Variants in ITPR3 observed in about 807,000 individuals in gnomAD.
The protein encoded by ITPR3 is inositol 1,4,5-trisphosphate receptor type 3, also known as inositol 1,4,5-trisphosphate-gated calcium channel ITPR3.
Under a neutral mutation model 293.2 loss-of-function variants are expected in ITPR3, and 173 were observed. That is an observed-to-expected ratio of 0.59 (90% confidence interval 0.52 to 0.67). The LOEUF (loss-of-function observed/expected upper bound fraction) is 0.67, where lower values mean the gene tolerates loss of function less well. Ranked by LOEUF, ITPR3 falls within the 30% of genes least tolerant of loss-of-function variation. The pLI is 0.00. For synonymous variants in ITPR3, 1,295 were observed against 1,444.4 expected (o/e 0.90, Z 2.35); for missense variants, 2,796 against 3,592.1 (o/e 0.78, Z 5.66).
chr6:33,662,884 TCCTGCC>T, intron 8 of ITPR3, 21 bp from the exon 9 acceptor site: 1 of 1,565,920 alleles, frequency 6.4e-7, no homozygotes, highest in Non-Finnish European at 8.7e-7. Context: ...AGTCTCTCCT[TCCTGCC>T]TCACACCTGT....
intron 2 of ITPR3, among the ~76,000 whole-genome samples, chr6:33,644,148 C>T (rs1013694977): frequency 5.3e-5 from 8 of 152,056 alleles, no homozygotes; most frequent in African/African-American, 1.7e-4. Context: ...TGAGATTGTG[C>T]CACTGCACTC....
intron 50 of ITPR3, 51 bp from the exon 51 acceptor site, chr6:33,689,983 T>G: frequency 6.2e-7 from 1 of 1,605,090 alleles, no homozygotes; most frequent in Non-Finnish European, 8.5e-7. Flanking sequence ...TGCGTGCAGA[T>G]TCAGCATAGG....
chr6:33,650,404 T>C (rs1426359087), intron 2 of ITPR3, among the ~76,000 whole-genome samples: 1 of 152,222 alleles, frequency 6.6e-6, no homozygotes, highest in Non-Finnish European at 1.5e-5. Flanking sequence ...GTTCCAGTTA[T>C]TAAGTTTCCA....
At chr6:33,669,195 C>T (rs1326694462) in intron 18 of ITPR3, 39 bp downstream of exon 18, 1 of 1,592,226 alleles carries the variant, frequency 6.3e-7, no homozygotes, top group South Asian at 1.1e-5. Flanking sequence ...CTTCCTGTGC[C>T]TTTGGGCCTT....
In ITPR3 at chr6:33,685,692, G is replaced by T; in HGVS notation, c.5532G>T (p.Leu1844=). 1 of 1,603,132 alleles carries T rather than the reference G, an allele frequency of 6.2e-7. No homozygotes were observed. The highest frequency in any genetic ancestry group is 8.5e-7 in the Non-Finnish European group (1 of 1,173,040). The change falls in exon 41 of 58, where the codon CTG becomes CTT. Residue 1844 remains leucine, a synonymous_variant. Coordinates refer to ENST00000605930, the MANE Select transcript of ITPR3 (RefSeq NM_002224.4). The stretch of plus-strand genomic sequence containing the variant: ...CTGGCTCCTCATCCCGCTACTCGCT[G>T]GGCCCCAGCCTGCGCCGGGGGCACG... The part of the protein sequence containing the change: ...SIPGSSSRYS[L]GPSLRRGHEV...
chr6:33,661,451 C>T (rs757416776), intron 7 of ITPR3, among the ~76,000 whole-genome samples: 1 of 152,230 alleles, frequency 6.6e-6, no homozygotes, highest in Non-Finnish European at 1.5e-5. Flanking sequence ...TTCTCTATGC[C>T]TGAGTTTCTC....
chr6:33,670,817 TGGCTGGGGGAGTGCCCAGG>T lies in ITPR3; in HGVS notation c.2586+12_2586+30del, dbSNP rs1488371148. 6.2e-7 allele frequency: 1 copy of T among 1,613,010 alleles called. No individual in the cohort carries two copies. The highest frequency in any genetic ancestry group is 2.2e-5 in the East Asian group (1 of 44,890). The stretch of plus-strand genomic sequence containing the variant: ...GAGAAGAACAAGCTCACTTTTGAGG[TGGCTGGGGGAGTGCCCAGG>T]GGCTGGGGGTCCGTGGAGCTCTTGT... On this transcript the variant is annotated splice_donor_5th_base_variant and intron_variant, in intron 20 of 57. Coordinates refer to ENST00000605930, the MANE Select transcript of ITPR3 (RefSeq NM_002224.4). This position sits in a 1 kb window ranked among gnomAD's most constrained non-coding sequence, Gnocchi z 6.7.
chr6:33,656,175 G>A (rs575460624), intron 3 of ITPR3, among the ~76,000 whole-genome samples: 3 of 152,260 alleles, frequency 2.0e-5, no homozygotes, highest in South Asian at 2.1e-4. Flanking sequence ...ATTCCAATAC[G>A]CAAGAGATTG....
In ITPR3 at chr6:33,658,097, G is replaced by A; in HGVS notation, c.369+79G>A. ...GGCTGGTGCTGGGTGAGGGCTGCCA[G>A]CAGGCATTGCCCTCTGTGCATGTGT... On this transcript the variant is annotated intron_variant, in intron 4 of 57. Transcript: ENST00000605930. The surrounding 1 kb of genome is among the most constrained non-coding windows in gnomAD (Gnocchi z 6.1). The A allele has an allele frequency of 8.1e-7, 1 of 1,235,724 alleles. No homozygotes were observed. The highest frequency in any genetic ancestry group is 2.5e-5 in the East Asian group (1 of 40,356). The allele number at this position is 1,235,724 out of a possible 1,614,324, so 76.5% of individuals were successfully genotyped here.
chr6:33,645,290 C>T (rs1490144622), intron 2 of ITPR3, among the ~76,000 whole-genome samples: 1 of 152,002 alleles, frequency 6.6e-6, no homozygotes, highest in East Asian at 1.9e-4. Context: ...GCCAAGATCA[C>T]GCCACTGCAC....
In ITPR3 at chr6:33,688,240, T is replaced by C; in HGVS notation, c.6377T>C (p.Ile2126Thr). The stretch of plus-strand genomic sequence containing the variant: ...TGACCATGTGCTGTGTGTGCTCAGA[T>C]TGTGCGGCAGGACCGCAGCATGGAG... The part of the protein sequence containing the change: ...YYENHTSQIE[I>T]VRQDRSMEQI... The change falls in exon 48 of 58, where the codon ATT (isoleucine) becomes ACT (threonine). Residue 2126 changes from isoleucine (I) to threonine (T), a missense_variant and splice_region_variant. Transcript: ENST00000605930. 1.9e-6 allele frequency: 3 copies of C among 1,614,172 alleles called. No individual in the cohort carries two copies. Among genetic ancestry groups the C allele is most frequent in the African/African-American group, 1.3e-5 (1 of 75,058 alleles).
Position 33,670,477 on chromosome 6 carries a change from T to C in ITPR3, c.2342T>C (p.Met781Thr). ...FDLRASFCHL[M>T]LHVHVDRDPQ... ...CTGCGCGCCTCCTTCTGCCACCTGA[T>C]GCTGCACGTGCACGTGGACCGTGAC... is the stretch of plus-strand genomic sequence containing the variant. Residue 781 changes from methionine to threonine, a missense_variant, in exon 19 of 58, where the codon ATG becomes ACG. Met to Thr is a moderately conservative substitution (Grantham distance 81). Coordinates refer to ENST00000605930, the MANE Select transcript of ITPR3 (RefSeq NM_002224.4). This position sits in a 1 kb window ranked among gnomAD's most constrained non-coding sequence, Gnocchi z 6.7. 1 of 1,613,972 alleles carries C rather than the reference T, an allele frequency of 6.2e-7. No individual in the cohort carries two copies. Among genetic ancestry groups the C allele is most frequent in the South Asian group, 1.1e-5 (1 of 91,078 alleles).
At chr6:33,625,005 C>T (rs1763519548) in intron 1 of ITPR3, among the ~76,000 whole-genome samples, 1 of 152,226 alleles carries the variant, frequency 6.6e-6, no homozygotes, top group African/African-American at 2.4e-5. Context: ...GCCAGCCGGC[C>T]AGCAAGGGAA....
At position 33,667,776 on chromosome 6, in the gene ITPR3, C is replaced by T; in HGVS notation, c.1714-16C>T. ...CCTGTGACTCTCTGTGACCCCCAGC[C>T]TGTCTGCCCCCCCAGGAGCACATTG... On this transcript the variant is annotated splice_polypyrimidine_tract_variant and intron_variant, in intron 15 of 57. Coordinates refer to ENST00000605930, the MANE Select transcript of ITPR3 (RefSeq NM_002224.4). The surrounding 1 kb of genome is among the most constrained non-coding windows in gnomAD (Gnocchi z 4.4). 1 of 1,613,684 alleles carries T rather than the reference C, an allele frequency of 6.2e-7. No homozygotes were observed. The highest frequency in any genetic ancestry group is 8.5e-7 in the Non-Finnish European group (1 of 1,179,678).
chr6:33,686,643 G>C, intron 43 of ITPR3, 124 bp downstream of exon 43: 1 of 757,204 alleles, frequency 1.3e-6, no homozygotes, highest in Non-Finnish European at 2.3e-6. Flanking sequence ...GTGTGATGGG[G>C]CATCATCTGG....
chr6:33,659,727 G>C (rs569528046), intron 7 of ITPR3, among the ~76,000 whole-genome samples, 178 bp downstream of exon 7: 1 of 152,066 alleles, frequency 6.6e-6, no homozygotes, highest in African/African-American at 2.4e-5. Flanking sequence ...CAGGGCTGCC[G>C]CTTCTCTCGT....
chr6:33,667,917 C>T lies in ITPR3; in HGVS notation c.1839C>T (p.Thr613=), dbSNP rs76184558. The T allele has an allele frequency of 7.6e-4, 1,225 of 1,614,228 alleles. 2 individuals are homozygous for T. The highest frequency in any genetic ancestry group is 1.7e-3 in the Admixed American group (103 of 60,034). Residue 613 remains threonine (T), a synonymous_variant, in exon 16 of 58, where the codon ACC becomes ACT. Coordinates refer to ENST00000605930, the MANE Select transcript of ITPR3 (RefSeq NM_002224.4). This position sits in a 1 kb window ranked among gnomAD's most constrained non-coding sequence, Gnocchi z 4.4. ...TCCTGGAAAAGCACATCACCAAGAC[C>T]GAGGTGGAGACCTTCGTCAGCCTTG... The part of the protein sequence containing the change: ...RKLLEKHITK[T]EVETFVSLVR...
In ITPR3 at chr6:33,659,128, G is replaced by T. The variant is rs75742993; in HGVS notation, c.627+9G>T. 0.032 allele frequency: 52,269 copies of T among 1,612,696 alleles called. 1,076 individuals carry two copies. Among genetic ancestry groups the T allele is most frequent in the Middle Eastern group, 0.051 (295 of 5,812 alleles). On this transcript the variant is annotated intron_variant, in intron 6 of 57. Coordinates refer to ENST00000605930, the MANE Select transcript of ITPR3 (RefSeq NM_002224.4). ...ACGCCGGCTGCAAGGAGGTGAGGGG[G>T]TGGGGGGTCAGCCATGCAGTGCAGG...
intron 1 of ITPR3, among the ~76,000 whole-genome samples, chr6:33,634,782 C>T (rs1360511919): frequency 6.6e-6 from 1 of 152,114 alleles, no homozygotes; most frequent in Non-Finnish European, 1.5e-5. Context: ...AGGAAAAACG[C>T]TTTGGCCCCC....
Sources: allele counts gnomAD v4.1 joint callset (sites outside exome capture counted in the v4.1 genomes callset), GRCh38; gene constraint gnomAD v4.1.1; non-coding constraint Gnocchi (gnomAD v3.1); transcripts MANE v1.5; gene names NCBI Gene and HGNC (gene_info 2026-07-23, HGNC 2026-07-21).